The following ALDH1L1 variants were observed in gnomAD, a reference collection of about 807,000 sequenced individuals.
ALDH1L1 encodes the protein cytosolic 10-formyltetrahydrofolate dehydrogenase.
A neutral mutation model predicts 101.1 loss-of-function variants in ALDH1L1; 68 were observed. The ratio of observed to expected loss-of-function variants is 0.67; its 90% CI spans 0.55 to 0.82. ALDH1L1 has a LOEUF of 0.82. Among genes scored for constraint, ALDH1L1 ranks in the 40% least tolerant of loss-of-function variants. The pLI, the probability that ALDH1L1 is intolerant of heterozygous loss-of-function variation, is 0.00. For synonymous variants in ALDH1L1, 486 were observed against 470.8 expected (o/e 1.03, Z -0.42); for missense variants, 1,087 against 1,172.7 (o/e 0.93, Z 1.07).
rs768239976 is a variant in ALDH1L1 at position 126,135,575 on chromosome 3, C to T, written c.1432G>A (p.Gly478Arg). The change falls in exon 12 of 23, where the codon GGG becomes AGG. Residue 478 changes from glycine to arginine, a missense_variant. This residue lies in a region of ALDH1L1 where 645 missense variants were observed against 637.0 expected (regional missense o/e 1.01). Coordinates refer to ENST00000393434, the MANE Select transcript of ALDH1L1 (RefSeq NM_012190.4). Reference sequence around the variant, plus strand: ...CCCCGGTCCCGCGCACTGATCTTCCCCCACCGTCCATTCTCAAAGGCATCC... The same window carrying T: ...CCCCGGTCCCGCGCACTGATCTTCCTCCACCGTCCATTCTCAAAGGCATCC... ...AKDAFENGRWGKISARDRGRL... is the reference protein window; with the variant it reads ...AKDAFENGRWRKISARDRGRL... 6 of 1,602,812 alleles carry T rather than the reference C, an allele frequency of 3.7e-6. No individual in the cohort carries two copies. The highest frequency in any genetic ancestry group is 2.7e-5 in the African/African-American group (2 of 74,412).
intron 1 of ALDH1L1, among the ~76,000 whole-genome samples, chr3:126,189,073 C>A (rs1290706910): frequency 6.6e-6 from 1 of 152,162 alleles, no homozygotes; most frequent in African/African-American, 2.4e-5. Flanking sequence ...CAAATCAAAG[C>A]AGGAGTTTTG....
At chr3:126,174,206 T>C (rs560180732) in intron 1 of ALDH1L1, among the ~76,000 whole-genome samples, 2 of 152,158 alleles carry the variant, frequency 1.3e-5, no homozygotes, top group Non-Finnish European at 2.9e-5. Flanking sequence ...GTCCGGCTAA[T>C]TTTGTATTTT....
At chr3:126,193,965 C>T (rs1378299525) in intron 1 of ALDH1L1, among the ~76,000 whole-genome samples, 1 of 152,132 alleles carries the variant, frequency 6.6e-6, no homozygotes, top group African/African-American at 2.4e-5. Flanking sequence ...ACCTGCACTC[C>T]AGAGTGCTTT....
chr3:126,190,551 A>G (rs1041335722), intron 1 of ALDH1L1, among the ~76,000 whole-genome samples: 1 of 152,190 alleles, frequency 6.6e-6, no homozygotes, highest in South Asian at 2.1e-4. Flanking sequence ...TGCACTGTTT[A>G]TTAAGTAAGT....
Position 126,123,430 on chromosome 3 carries a change from G to A in ALDH1L1, c.1888+934C>T, listed in dbSNP as rs377286128. On this transcript the variant is annotated intron_variant, in intron 16 of 22. Coordinates refer to ENST00000393434, the MANE Select transcript of ALDH1L1 (RefSeq NM_012190.4). ...CTGCCACCATGCCCAGCTAATTTTT[G>A]TATTTTTAATAGAGACGGGGTTTCA... Among the ~76,000 whole-genome samples, 46 of 152,000 alleles carry A rather than the reference G, an allele frequency of 3.0e-4. 1 individual carries two copies. The South Asian group carries it at 8.1e-3, about 27-fold the overall frequency.
chr3:126,193,810 T>C (rs1160571297), intron 1 of ALDH1L1, among the ~76,000 whole-genome samples: 1 of 152,254 alleles, frequency 6.6e-6, no homozygotes, highest in Admixed American at 6.5e-5. Flanking sequence ...ATTGGCTGAT[T>C]TACTGTGAAA....
Position 126,114,616 on chromosome 3 carries a change from C to T in ALDH1L1, c.2023G>A (p.Gly675Ser). Residue 675 changes from glycine to serine, a missense_variant, in exon 18 of 23, where the codon GGC becomes AGC. Physicochemically the swap from Gly to Ser is moderately conservative, Grantham distance 56. Coordinates refer to ENST00000393434, the MANE Select transcript of ALDH1L1 (RefSeq NM_012190.4). ...SNVKKVSLEL[G>S]GKSPLIIFAD... Reference sequence around the variant, plus strand: ...AAGATGATGAGGGGTGACTTCCCGCCCAGTTCCAGGGACACCTTCTTCACG... The same window carrying T: ...AAGATGATGAGGGGTGACTTCCCGCTCAGTTCCAGGGACACCTTCTTCACG... 1 of 1,516,172 alleles carries T rather than the reference C, an allele frequency of 6.6e-7. No homozygotes were observed. Among genetic ancestry groups the T allele is most frequent in the Non-Finnish European group, 8.8e-7 (1 of 1,131,768 alleles). The allele number at this position is 1,516,172 out of a possible 1,614,324, so 93.9% of individuals were successfully genotyped here.
At chr3:126,126,513 G>A (rs1044474843) in intron 14 of ALDH1L1, among the ~76,000 whole-genome samples, 4 of 152,160 alleles carry the variant, frequency 2.6e-5, no homozygotes, top group African/African-American at 7.2e-5. Flanking sequence ...CCAGACACAG[G>A]CGGTGGGCAG....
At chr3:126,135,937 T>C (rs1406314029) in intron 11 of ALDH1L1, among the ~76,000 whole-genome samples, 1 of 152,150 alleles carries the variant, frequency 6.6e-6, no homozygotes, top group Admixed American at 6.5e-5. Flanking sequence ...CTCCCTCACC[T>C]TGGTGCCTGC....
intron 18 of ALDH1L1, among the ~76,000 whole-genome samples, chr3:126,113,602 T>C (rs1025457150): frequency 2.0e-5 from 3 of 152,176 alleles, no homozygotes; most frequent in Non-Finnish European, 1.5e-5. Context: ...CCCGTGCTGA[T>C]GGGTTCACCC....
intron 1 of ALDH1L1, among the ~76,000 whole-genome samples, chr3:126,175,161 C>T (rs2081347837): frequency 6.6e-6 from 1 of 152,026 alleles, no homozygotes; most frequent in Admixed American, 6.5e-5. Flanking sequence ...TGAAACAATC[C>T]CTTGAAAGTA....
chr3:126,110,540 G>C (rs1455359381), intron 19 of ALDH1L1, among the ~76,000 whole-genome samples: 1 of 152,178 alleles, frequency 6.6e-6, no homozygotes, highest in East Asian at 1.9e-4. Context: ...TGCTGCAATA[G>C]TCCTGGTGCC....
At chr3:126,131,972 G>A (rs1195349589) in intron 12 of ALDH1L1, among the ~76,000 whole-genome samples, 1 of 151,936 alleles carries the variant, frequency 6.6e-6, no homozygotes, top group Non-Finnish European at 1.5e-5. Flanking sequence ...CAGGATGGTG[G>A]GGGCATGCTC....
In ALDH1L1 at chr3:126,107,258, A is replaced by G; in HGVS notation, c.2348-12T>C. 3 of 1,609,496 alleles carry G rather than the reference A, an allele frequency of 1.9e-6. No individual in the cohort carries two copies. The Admixed American group carries it at 5.0e-5, about 27-fold the overall frequency. On this transcript the variant is annotated splice_polypyrimidine_tract_variant and intron_variant, in intron 20 of 22. Transcript: ENST00000393434. ...CTCAAAGAAGAACCCTGCAAGAGAG[A>G]TAAAAGCCCGTTGCACATGGGAGAC... is the stretch of plus-strand genomic sequence containing the variant.
In ALDH1L1 at chr3:126,157,578, C is replaced by G. The variant is rs192780583; in HGVS notation, c.363-70G>C. On this transcript the variant is annotated intron_variant, in intron 3 of 22. Transcript: ENST00000393434. ...ACGGAGGATGTCCTGGGTACAGGCC[C>G]GTGGACCTGCCACCCTCCAGGAGGC... 1.5e-3 allele frequency: 2,275 copies of G among 1,527,352 alleles called. 1 individual carries two copies. Among genetic ancestry groups the G allele is most frequent in the Non-Finnish European group, 1.9e-3 (2,136 of 1,126,776 alleles). 94.6% of individuals were successfully genotyped at this position (1,527,352 alleles called of 1,614,324 possible).
chr3:126,158,030 A>G (rs974550984), intron 3 of ALDH1L1, among the ~76,000 whole-genome samples: 2 of 152,008 alleles, frequency 1.3e-5, no homozygotes, highest in Non-Finnish European at 2.9e-5. Context: ...AGTGGAAGTT[A>G]GAGTAGGACC....
At chr3:126,130,888 C>T (rs1286341572) in intron 13 of ALDH1L1, among the ~76,000 whole-genome samples, 1 of 152,218 alleles carries the variant, frequency 6.6e-6, no homozygotes, top group East Asian at 1.9e-4. Context: ...GTTGACTGTC[C>T]CTGTTGACCC....
chr3:126,155,626 C>A lies in ALDH1L1; in HGVS notation c.529-123G>T, dbSNP rs2080889804. The stretch of plus-strand genomic sequence containing the variant: ...CCAGACTTGCCTGGTACACAGCAGT[C>A]ACCCAAGAAACACCTGCCATATGAA... On this transcript the variant is annotated intron_variant, in intron 4 of 22. Transcript: ENST00000393434. 7 of 739,934 alleles carry A rather than the reference C, an allele frequency of 9.5e-6. No homozygotes were observed. The South Asian group carries it at 1.5e-4, about 16-fold the overall frequency. The allele number at this position is 739,934 out of a possible 1,614,324, so 45.8% of individuals were successfully genotyped here. A position where few individuals can be genotyped will look rare whatever the true frequency, so the allele number is the denominator to read the frequency against.
chr3:126,153,074 T>C (rs2080836399), intron 7 of ALDH1L1: 1 of 345,996 alleles, frequency 2.9e-6, no homozygotes, highest in African/African-American at 2.1e-5. Flanking sequence ...AGAGGCTTAA[T>C]GACCCCACAC....
Sources: gnomAD v4.1 joint callset for allele counts (sites outside exome capture counted in the v4.1 genomes callset) on GRCh38, gnomAD v4.1.1 for gene constraint, gnomAD v4.1.1 regional missense constraint, MANE v1.5 for transcripts, NCBI Gene and HGNC (gene_info 2026-07-23, HGNC 2026-07-21) for gene names.